AKAP6: variants seen among roughly 807,000 people sequenced by gnomAD.
AKAP6 encodes A-kinase anchoring protein 6, also known as A-kinase anchor protein 6.
Under a neutral mutation model 188.5 loss-of-function variants are expected in AKAP6, and 58 were observed. That is an observed-to-expected ratio of 0.31 (90% CI 0.25 to 0.38). The LOEUF (loss-of-function observed/expected upper bound fraction) is 0.38. Ranked by LOEUF, AKAP6 falls within the 10% of genes least tolerant of loss-of-function variation. AKAP6 has a pLI of 1.00. For synonymous variants in AKAP6, 989 were observed against 998.6 expected, an observed-to-expected ratio of 0.99 and a Z score of 0.18; for missense variants, 2,710 against 2,740.0, an observed-to-expected ratio of 0.99 and a Z score of 0.24.
At chr14:32,360,709 T>TTG (rs1408575197) in intron 1 of AKAP6, among the ~76,000 whole-genome samples, 15 of 106,052 alleles carry the variant, frequency 1.4e-4, no homozygotes, top group Non-Finnish European at 4.0e-5. Flanking sequence ...GTTTTGGCCA[T>TTG]TGAGTGTGTG....
chr14:32,792,741 T>G (rs905907481), intron 12 of AKAP6, among the ~76,000 whole-genome samples: 1 of 152,224 alleles, frequency 6.6e-6, no homozygotes, highest in African/African-American at 2.4e-5. Context: ...TTCAATATGA[T>G]ATTGGCTATG....
Position 32,828,533 on chromosome 14 carries a change from A to T in AKAP6, c.*43-1315A>T, listed in dbSNP as rs996883600. On this transcript the variant is annotated intron_variant, in intron 13 of 13. Coordinates refer to ENST00000280979, the MANE Select transcript of AKAP6 (RefSeq NM_004274.5). ...CTCTCTCTCTCTCTCTCTCTCTCAC[A>T]CACACACACACACACACACACACAC... Among the ~76,000 whole-genome samples, 45 of 43,184 alleles carry T rather than the reference A, an allele frequency of 1.0e-3. 1 individual carries two copies. The highest frequency in any genetic ancestry group is 7.5e-3 in the African/African-American group (35 of 4,694). 28.3% of individuals were successfully genotyped at this position (43,184 alleles called of 152,430 possible). A position where few individuals can be genotyped will look rare whatever the true frequency, so the allele number is the denominator to read the frequency against.
chr14:32,713,446 A>G (rs2030004444), intron 9 of AKAP6, among the ~76,000 whole-genome samples: 1 of 129,318 alleles, frequency 7.7e-6, no homozygotes, highest in Non-Finnish European at 1.7e-5. Flanking sequence ...TCTAGCCATG[A>G]AAGTCCTAGA....
chr14:32,811,234 G>A (rs1449804549), intron 12 of AKAP6, among the ~76,000 whole-genome samples: 116 of 25,612 alleles, frequency 4.5e-3, no homozygotes, highest in African/African-American at 0.018. Context: ...GCGAGACTCC[G>A]TCTCAGGAAA....
chr14:32,786,296 A>ATGTTTTTTTTTGTTTTTTTTTTTT, intron 12 of AKAP6, among the ~76,000 whole-genome samples: 1 of 93,706 alleles, frequency 1.1e-5, no homozygotes, highest in Non-Finnish European at 2.1e-5. Context: ...CTAAACCTTT[A>ATGTTTTTTTTTGTTTTTTTTTTTT]TCTTTTTTTT....
intron 5 of AKAP6, among the ~76,000 whole-genome samples, chr14:32,589,053 C>T (rs1189933539): frequency 6.6e-6 from 1 of 152,154 alleles, no homozygotes; most frequent in African/African-American, 2.4e-5. Context: ...CTTCCTGGTG[C>T]CCATCTCTCC....
At chr14:32,583,064 T>C (rs1292765595) in intron 5 of AKAP6, among the ~76,000 whole-genome samples, 1 of 152,252 alleles carries the variant, frequency 6.6e-6, no homozygotes, top group Non-Finnish European at 1.5e-5. Flanking sequence ...GGAGAGGCGC[T>C]CTGCTTTTTA....
chr14:32,462,913 A>AC lies in AKAP6; in HGVS notation c.324+29096_324+29097insC, dbSNP rs1053837775. ...AGCAAATGGAAAGCAAAAAAAAAAA[A>AC]AAAAAAAAAAAAACCCGGGGTTGCA... is the stretch of plus-strand genomic sequence containing the variant. On this transcript the variant is annotated intron_variant, in intron 2 of 13. Transcript: ENST00000280979. Among the ~76,000 whole-genome samples the AC allele has an allele frequency of 2.7e-4, 37 of 139,354 alleles. No homozygotes were observed. The East Asian group carries it at 3.2e-3, about 12-fold the overall frequency. 91.4% of individuals were successfully genotyped at this position (139,354 alleles called of 152,430 possible).
At chr14:32,734,611 C>T (rs573312522) in intron 10 of AKAP6, 12 of 152,194 alleles carry the variant, frequency 7.9e-5, no homozygotes, top group African/African-American at 2.9e-4. Flanking sequence ...TTTTGTGACC[C>T]TACCCTCCAA....
At chr14:32,695,842 C>T in intron 8 of AKAP6, 148 bp from the exon 9 acceptor site, 1 of 935,212 alleles carries the variant, frequency 1.1e-6, no homozygotes, top group Non-Finnish European at 1.5e-6. Flanking sequence ...TCTATTTTGC[C>T]CAGTGTGTAA....
Position 32,431,294 on chromosome 14 carries a change from G to T in AKAP6, c.-34-2166G>T, listed in dbSNP as rs1371521271. ...ACTTGTAAAACTGAATGCAAGCATG[G>T]TTAAAAATATGGGGTATCTGCCTTA... On this transcript the variant is annotated intron_variant, in intron 1 of 13. Transcript: ENST00000280979. Among the ~76,000 whole-genome samples the T allele has an allele frequency of 2.0e-5, 3 of 152,082 alleles. No homozygotes were observed. In the East Asian group the frequency reaches 5.8e-4, roughly 29 times the overall value.
At chr14:32,812,009 C>T (rs189703430) in intron 12 of AKAP6, among the ~76,000 whole-genome samples, 6 of 152,144 alleles carry the variant, frequency 3.9e-5, no homozygotes, top group Admixed American at 3.3e-4. Context: ...TTTTTATTAA[C>T]GTAAGATCAT....
At chr14:32,333,947 G>A (rs902259067) in intron 1 of AKAP6, among the ~76,000 whole-genome samples, 7 of 152,118 alleles carry the variant, frequency 4.6e-5, no homozygotes, top group Non-Finnish European at 8.8e-5. Context: ...ATCATACAAG[G>A]TACCAACTAC....
chr14:32,528,885 C>CT (rs1203615354), intron 2 of AKAP6, among the ~76,000 whole-genome samples: 1 of 152,046 alleles, frequency 6.6e-6, no homozygotes, highest in Non-Finnish European at 1.5e-5. Context: ...ACCATGTTGG[C>CT]CAGGCTTGTC....
intron 8 of AKAP6, among the ~76,000 whole-genome samples, chr14:32,687,574 A>G (rs950610736): frequency 7.2e-5 from 11 of 152,220 alleles, no homozygotes; most frequent in Non-Finnish European, 1.3e-4. Context: ...CACACCAGCC[A>G]TAAAATGATG....
chr14:32,480,836 T>C (rs907740412), intron 2 of AKAP6, among the ~76,000 whole-genome samples: 1 of 152,150 alleles, frequency 6.6e-6, no homozygotes, highest in Non-Finnish European at 1.5e-5. Flanking sequence ...GGAAAATGTC[T>C]AGTTGGTTTT....
chr14:32,472,993 C>A (rs1443937519), intron 2 of AKAP6, among the ~76,000 whole-genome samples: 1 of 152,174 alleles, frequency 6.6e-6, no homozygotes, highest in Non-Finnish European at 1.5e-5. Context: ...TGGTTGGATT[C>A]TTTCTCTCTC....
chr14:32,497,944 A>AATAT (rs1880408414), intron 2 of AKAP6, among the ~76,000 whole-genome samples: 1 of 152,030 alleles, frequency 6.6e-6, no homozygotes, highest in African/African-American at 2.4e-5. Flanking sequence ...TTCTCATGTC[A>AATAT]ATATAGCCAT....
chr14:32,600,429 A>G (rs1277584599), intron 6 of AKAP6, among the ~76,000 whole-genome samples, 200 bp from the exon 7 acceptor site: 4 of 152,192 alleles, frequency 2.6e-5, no homozygotes, highest in Non-Finnish European at 4.4e-5. Flanking sequence ...TGTGGTTATC[A>G]CATTTTTGTG....
Sources: allele counts gnomAD v4.1 joint callset (sites outside exome capture counted in the v4.1 genomes callset), GRCh38; gene constraint gnomAD v4.1.1; transcripts MANE v1.5; gene names NCBI Gene and HGNC (gene_info 2026-07-23, HGNC 2026-07-21).